The following PCBP3 variants were observed in gnomAD, a reference collection of about 807,000 sequenced individuals.
PCBP3 encodes the protein poly(rC)-binding protein 3.
PCBP3 carries 25 observed loss-of-function variants against 52.7 expected under a neutral mutation model. That is an observed-to-expected ratio of 0.47 (90% CI 0.35 to 0.66). The LOEUF is 0.66. Ranked by LOEUF, PCBP3 falls within the 30% of genes least tolerant of loss-of-function variation. The pLI is 0.01. For missense variants in PCBP3, 391 were observed against 490.3 expected (o/e 0.80, Z 1.91); for synonymous variants, 162 against 183.0 (o/e 0.89, Z 0.93).
chr21:45,927,810 C>T (rs1459305166), intron 13 of PCBP3, among the ~76,000 whole-genome samples: 1 of 152,136 alleles, frequency 6.6e-6, no homozygotes, highest in African/African-American at 2.4e-5. Context: ...CTGGAGACAC[C>T]AGGCCTTCCT....
intron 2 of PCBP3, among the ~76,000 whole-genome samples, chr21:45,697,704 C>T (rs1224858687): frequency 6.6e-6 from 1 of 150,620 alleles, no homozygotes; most frequent in East Asian, 1.9e-4. Flanking sequence ...ATGATCATGA[C>T]ACTGCACTCC....
chr21:45,900,030 G>C (rs574917396), intron 7 of PCBP3, among the ~76,000 whole-genome samples: 4 of 152,172 alleles, frequency 2.6e-5, no homozygotes, highest in African/African-American at 4.8e-5. Flanking sequence ...GGGCTGGCCC[G>C]GGGGAAGTAA....
chr21:45,739,400 A>G (rs1215527179), intron 3 of PCBP3, among the ~76,000 whole-genome samples: 1 of 61,920 alleles, frequency 1.6e-5, no homozygotes, highest in Non-Finnish European at 3.0e-5. Flanking sequence ...TCATCAGCCC[A>G]CCACTTCCTG....
At chr21:45,676,318 T>C (rs1406996504) in intron 2 of PCBP3, among the ~76,000 whole-genome samples, 1 of 152,204 alleles carries the variant, frequency 6.6e-6, no homozygotes, top group Non-Finnish European at 1.5e-5. Context: ...CATGGTGAGC[T>C]TGACAGCCTT....
chr21:45,824,388 A>G (rs2093248888), intron 4 of PCBP3, among the ~76,000 whole-genome samples: 2 of 152,236 alleles, frequency 1.3e-5, no homozygotes, highest in Non-Finnish European at 1.5e-5. Flanking sequence ...GCATCAGGCA[A>G]GTCATGTCAG....
intron 5 of PCBP3, 74 bp from the exon 6 acceptor site, chr21:45,896,134 C>A: frequency 1.4e-6 from 2 of 1,404,558 alleles, no homozygotes; most frequent in Non-Finnish European, 2.0e-6. Context: ...GGAGTGGGAG[C>A]GGCCCAGGAC....
At chr21:45,740,218 C>T (rs757000210) in intron 3 of PCBP3, among the ~76,000 whole-genome samples, 4 of 152,194 alleles carry the variant, frequency 2.6e-5, no homozygotes, top group Non-Finnish European at 4.4e-5. Context: ...AAGGAGCCCT[C>T]GCTGTTAGCT....
intron 9 of PCBP3, 196 bp downstream of exon 9, chr21:45,901,309 C>T (rs1603481929): frequency 1.8e-6 from 1 of 555,168 alleles, no homozygotes; most frequent in East Asian, 3.1e-5. Flanking sequence ...GCCAGTGTCT[C>T]TCCATCCTTC....
intron 4 of PCBP3, among the ~76,000 whole-genome samples, chr21:45,779,782 G>T (rs2090504586): frequency 6.6e-6 from 1 of 152,160 alleles, no homozygotes; most frequent in Non-Finnish European, 1.5e-5. Context: ...TTCTCCCCAT[G>T]TTGATCTATA....
rs576263740 is a variant in PCBP3 at position 45,843,103 on chromosome 21, T to C, written c.-125-6858T>C. Among the ~76,000 whole-genome samples, 85 of 151,616 alleles carry C rather than the reference T, an allele frequency of 5.6e-4. No homozygotes were observed. In the South Asian group the frequency reaches 0.018, roughly 32 times the overall value. ...GAATAGCGAACTCACCGCTGTGTCATTCTCCAAATCCCAAGGGCCCAGCCA... is the reference window on the plus strand; with the variant it reads ...GAATAGCGAACTCACCGCTGTGTCACTCTCCAAATCCCAAGGGCCCAGCCA... On this transcript the variant is annotated intron_variant, in intron 4 of 17. Coordinates refer to ENST00000681687, the MANE Select transcript of PCBP3 (RefSeq NM_001384156.1).
chr21:45,774,620 A>T (rs2090123699), intron 4 of PCBP3, among the ~76,000 whole-genome samples: 1 of 152,056 alleles, frequency 6.6e-6, no homozygotes, highest in African/African-American at 2.4e-5. Context: ...GAACACTCTT[A>T]GCTTTTCTCT....
At chr21:45,695,064 C>T (rs62215047) in intron 2 of PCBP3, among the ~76,000 whole-genome samples, 26,268 of 152,106 alleles carry the variant, frequency 0.17, 2,407 homozygotes, top group Middle Eastern at 0.32. Context: ...GATATACTAT[C>T]AAGCTATAGT....
intron 2 of PCBP3, among the ~76,000 whole-genome samples, chr21:45,690,227 G>A (rs1272792804): frequency 6.6e-6 from 1 of 152,064 alleles, no homozygotes; most frequent in Non-Finnish European, 1.5e-5. Context: ...CATTTCAGTG[G>A]AGAAAGGGAA....
intron 3 of PCBP3, among the ~76,000 whole-genome samples, chr21:45,739,083 T>A (rs1335897111): frequency 7.2e-5 from 8 of 111,410 alleles, no homozygotes; most frequent in South Asian, 3.5e-4. Flanking sequence ...CCCATCTTCA[T>A]CAGCCCACCC....
rs145757381 is a variant in PCBP3 at position 45,840,302 on chromosome 21, A to T, written c.-125-9659A>T. ...CCTGTCTCTACTAAAAAAAAATTTT[A>T]AAAAATTAGCCAGGCATGGTGGCGG... On this transcript the variant is annotated intron_variant, in intron 4 of 17. Coordinates refer to ENST00000681687, the MANE Select transcript of PCBP3 (RefSeq NM_001384156.1). 6.6e-3 allele frequency among the ~76,000 whole-genome samples: 1,001 copies of T among 151,510 alleles called. 9 individuals carry two copies. Among genetic ancestry groups the T allele is most frequent in the African/African-American group, 0.022 (926 of 41,366 alleles).
At chr21:45,674,496 G>A (rs2147356529) in intron 2 of PCBP3, among the ~76,000 whole-genome samples, 1 of 152,180 alleles carries the variant, frequency 6.6e-6, no homozygotes, top group South Asian at 2.1e-4. Context: ...TCCTTCTTTG[G>A]TTTCTTGGCT....
intron 9 of PCBP3, 116 bp from the exon 10 acceptor site, chr21:45,909,239 C>T: frequency 8.8e-7 from 1 of 1,130,488 alleles, no homozygotes; most frequent in Non-Finnish European, 1.3e-6. Context: ...CTCGGCTGTG[C>T]ATGACAGGGG....
chr21:45,796,005 A>G (rs1168153710), intron 4 of PCBP3, among the ~76,000 whole-genome samples: 2 of 152,210 alleles, frequency 1.3e-5, no homozygotes, highest in Admixed American at 1.3e-4. Context: ...AAACTGCCTC[A>G]ATGTATGTAA....
chr21:45,837,018 G>A lies in PCBP3; in HGVS notation c.-125-12943G>A, dbSNP rs1019991849. Among the ~76,000 whole-genome samples, 6 of 152,160 alleles carry A rather than the reference G, an allele frequency of 3.9e-5. No homozygotes were observed. Among genetic ancestry groups the A allele is most frequent in the Non-Finnish European group, 8.8e-5 (6 of 68,032 alleles). ...GACATTCCTGTGTGTTTCTTTTGGT[G>A]CACACATGAGGTGTTTTTGGTTTAA... is the stretch of plus-strand genomic sequence containing the variant. On this transcript the variant is annotated intron_variant, in intron 4 of 17. Transcript: ENST00000681687. This position sits in a 1 kb window ranked among gnomAD's most constrained non-coding sequence, Gnocchi z 4.1.
Sources: gnomAD v4.1 joint callset for allele counts (sites outside exome capture counted in the v4.1 genomes callset) on GRCh38, gnomAD v4.1.1 for gene constraint, Gnocchi (gnomAD v3.1) non-coding constraint, MANE v1.5 for transcripts, NCBI Gene and HGNC (gene_info 2026-07-23, HGNC 2026-07-21) for gene names.